WWTR1: variants seen among roughly 807,000 people sequenced by gnomAD.
The protein encoded by WWTR1 is WW domain containing transcription regulator 1.
A neutral mutation model predicts 40.1 loss-of-function variants in WWTR1; 13 were observed. That is an observed-to-expected ratio of 0.32 (90% CI 0.21 to 0.52). WWTR1 has a LOEUF of 0.52. Among genes scored for constraint, WWTR1 ranks in the 20% least tolerant of loss-of-function variants. WWTR1 has a pLI of 0.97. For synonymous variants in WWTR1, 230 were observed against 210.1 expected, an observed-to-expected ratio of 1.09 and a Z score of -0.82; for missense variants, 436 against 523.1, an observed-to-expected ratio of 0.83 and a Z score of 1.63.
At chr3:149,628,124 A>C (rs557662253) in intron 2 of WWTR1, among the ~76,000 whole-genome samples, 2 of 151,256 alleles carry the variant, frequency 1.3e-5, no homozygotes, top group Non-Finnish European at 2.9e-5. Flanking sequence ...TAATCCCAAC[A>C]CTTTGGGAGG....
Position 149,517,609 on chromosome 3 carries a change from C to T in WWTR1, c.*3196G>A, listed in dbSNP as rs1576529216. The T allele has an allele frequency of 6.6e-6, 1 of 152,154 alleles. No individual in the cohort carries two copies. Among genetic ancestry groups the T allele is most frequent in the African/African-American group, 2.4e-5 (1 of 41,432 alleles). The allele number at this position is 152,154 out of a possible 1,614,324, so 9.4% of individuals were successfully genotyped here. On this transcript the variant is annotated 3_prime_UTR_variant, in exon 7 of 7. Transcript: ENST00000360632. ...GCAACACTTCTGTCAGTCTAGATCA[C>T]TTCTTCTGCAGAGAGCTTTTCAACC...
chr3:149,624,664 T>C lies in WWTR1; in HGVS notation c.431+32212A>G, dbSNP rs140531202. 5.6e-3 allele frequency among the ~76,000 whole-genome samples: 857 copies of C among 152,296 alleles called. 7 individuals carry two copies. The highest frequency in any genetic ancestry group is 0.031 in the Middle Eastern group (9 of 294). On this transcript the variant is annotated intron_variant, in intron 2 of 6. Transcript: ENST00000360632. The stretch of plus-strand genomic sequence containing the variant: ...CTAAGGGGAATGAACTGATACGTAC[T>C]GTTTCTTAATAAACTTAGAAAAAGA...
In WWTR1 at chr3:149,568,542, A is replaced by C. The variant is rs1032244213; in HGVS notation, c.568+4322T>G. 4.1e-3 allele frequency among the ~76,000 whole-genome samples: 561 copies of C among 137,148 alleles called. 12 individuals are homozygous for C. The highest frequency in any genetic ancestry group is 0.014 in the African/African-American group (481 of 35,446). 90.0% of individuals were successfully genotyped at this position (137,148 alleles called of 152,430 possible). On this transcript the variant is annotated intron_variant, in intron 3 of 6. Coordinates refer to ENST00000360632, the MANE Select transcript of WWTR1 (RefSeq NM_015472.6). ...AAAGTGCAAAAAAAAAAAAAAAAAA[A>C]AAAAAAAAAAAAAAAAAACCATATT...
intron 2 of WWTR1, among the ~76,000 whole-genome samples, chr3:149,630,064 TC>T (rs1030228464): frequency 2.0e-4 from 30 of 152,118 alleles, no homozygotes; most frequent in African/African-American, 6.8e-4. Context: ...CAGAGTGGTC[TC>T]AAACTCCTGG....
chr3:149,520,942 G>A lies in WWTR1; in HGVS notation c.1066C>T (p.Arg356Cys), dbSNP rs150073251. The change falls in exon 7 of 7, where the codon CGT becomes TGT. Residue 356 changes from arginine to cysteine, a missense_variant. Arg to Cys is a radical substitution (Grantham distance 180). Coordinates refer to ENST00000360632, the MANE Select transcript of WWTR1 (RefSeq NM_015472.6). ...TPMNINPQQT[R>C]FPDFLDCLPG... ...AGACAGTCAAGGAAATCAGGGAAAC[G>A]GGTCTGTTGGGGATTGATGTTCATG... is the stretch of plus-strand genomic sequence containing the variant. 2.8e-5 allele frequency: 45 copies of A among 1,612,956 alleles called. No homozygotes were observed. Among genetic ancestry groups the A allele is most frequent in the Admixed American group, 6.7e-5 (4 of 59,830 alleles).
intron 2 of WWTR1, among the ~76,000 whole-genome samples, chr3:149,654,913 G>T (rs1039727350): frequency 3.8e-4 from 58 of 151,310 alleles, no homozygotes; most frequent in African/African-American, 1.3e-3. Context: ...CACGAGGTCA[G>T]GAGATAGAGA....
intron 2 of WWTR1, among the ~76,000 whole-genome samples, chr3:149,615,328 T>C (rs796195903): frequency 1.4e-4 from 22 of 152,324 alleles, no homozygotes; most frequent in African/African-American, 5.1e-4. Context: ...AAACTCTCTA[T>C]ACACAAAATT....
rs113664424 is a variant in WWTR1, at chr3:149,719,373, G to A, written n.460-1807C>T. Among the ~76,000 whole-genome samples the A allele has an allele frequency of 6.5e-3, 990 of 152,112 alleles. 11 individuals carry two copies. Among genetic ancestry groups the A allele is most frequent in the African/African-American group, 0.023 (938 of 41,496 alleles). On this transcript the variant is annotated intron_variant and non_coding_transcript_variant, in intron 4 of 6. Transcript: ENST00000474080. ...TTTAGTAGAGACAGGGTTTCACCACGTTGGTCAGGCTGATCTTGAACTCCT... is the reference window on the plus strand; with the variant it reads ...TTTAGTAGAGACAGGGTTTCACCACATTGGTCAGGCTGATCTTGAACTCCT...
upstream of WWTR1, among the ~76,000 whole-genome samples, chr3:149,706,380 G>T (rs1031673435): frequency 2.6e-5 from 4 of 152,026 alleles, no homozygotes; most frequent in African/African-American, 4.8e-5. Context: ...GTGCAATGGC[G>T]TGATCTCGGC....
At chr3:149,680,052 G>A (rs1045115032) in intron 1 of WWTR1, among the ~76,000 whole-genome samples, 8 of 152,118 alleles carry the variant, frequency 5.3e-5, no homozygotes, top group Non-Finnish European at 1.2e-4. Flanking sequence ...TATTCAATAA[G>A]GTGATGACAA....
upstream of WWTR1, chr3:149,659,331 A>ATTTTTGTTTTTT (rs1713458745): frequency 9.4e-6 from 1 of 106,480 alleles, no homozygotes; most frequent in East Asian, 2.9e-4. Flanking sequence ...TTGTGCCTTA[A>ATTTTTGTTTTTT]TTTTTTTTTT....
At chr3:149,546,563 A>G (rs900832756) in intron 3 of WWTR1, among the ~76,000 whole-genome samples, 5 of 152,252 alleles carry the variant, frequency 3.3e-5, no homozygotes, top group African/African-American at 1.2e-4. Context: ...GGCAACAGCG[A>G]GCACCTCGGC....
chr3:149,710,899 G>T (rs1715463838), intron 5 of WWTR1, among the ~76,000 whole-genome samples: 1 of 151,828 alleles, frequency 6.6e-6, no homozygotes, highest in East Asian at 1.9e-4. Context: ...TTTTAACAAA[G>T]GAAGAAATTG....
intron 1 of WWTR1, among the ~76,000 whole-genome samples, chr3:149,699,831 T>G (rs1475604073): frequency 1.3e-5 from 2 of 152,214 alleles, no homozygotes; most frequent in African/African-American, 4.8e-5. Context: ...TCCTGTCTTC[T>G]TCTGAGCCCT....
chr3:149,574,021 C>T (rs1737767773), intron 2 of WWTR1, among the ~76,000 whole-genome samples: 1 of 151,798 alleles, frequency 6.6e-6, no homozygotes. Flanking sequence ...TCTTCCTTCT[C>T]CTCCTTCTCC....
At chr3:149,675,947 G>A (rs113019521) in intron 1 of WWTR1, among the ~76,000 whole-genome samples, 8 of 152,054 alleles carry the variant, frequency 5.3e-5, no homozygotes, top group African/African-American at 1.9e-4. Flanking sequence ...CCTCGTGATC[G>A]GCCCGTCTCA....
At chr3:149,551,301 A>G (rs1736609567) in intron 3 of WWTR1, among the ~76,000 whole-genome samples, 1 of 142,838 alleles carries the variant, frequency 7.0e-6, no homozygotes, top group African/African-American at 2.7e-5. Flanking sequence ...TTCGTCTCCA[A>G]AAAAAAAAGA....
Position 149,698,280 on chromosome 3 carries a change from TAGTG to T in WWTR1, c.-108+4840_-108+4843del, listed in dbSNP as rs551338131. 4.1e-3 allele frequency among the ~76,000 whole-genome samples: 629 copies of T among 152,314 alleles called. 5 individuals carry two copies. The highest frequency in any genetic ancestry group is 0.015 in the African/African-American group (603 of 41,572). Reference sequence around the variant, plus strand: ...AGTTCCCCCCATACTGTTCTCGTGATAGTGAGTGAGTTCTCACGAGATCTGATAG... The same window carrying T: ...AGTTCCCCCCATACTGTTCTCGTGATAGTGAGTTCTCACGAGATCTGATAG... On this transcript the variant is annotated intron_variant, in intron 1 of 7. Transcript: ENST00000465804.
intron 2 of WWTR1, among the ~76,000 whole-genome samples, chr3:149,623,922 C>T (rs1033866547): frequency 3.3e-5 from 5 of 152,188 alleles, no homozygotes; most frequent in Non-Finnish European, 5.9e-5. Flanking sequence ...TGCATATATG[C>T]TTAGCTCTCC....
Sources: allele counts gnomAD v4.1 joint callset (sites outside exome capture counted in the v4.1 genomes callset), GRCh38; gene constraint gnomAD v4.1.1; transcripts MANE v1.5; gene names NCBI Gene and HGNC (gene_info 2026-07-23, HGNC 2026-07-21).